DHTKD1: variants seen among roughly 807,000 people sequenced by gnomAD.
The protein encoded by DHTKD1 is 2-oxoadipate dehydrogenase complex component E1.
A neutral mutation model predicts 101.8 loss-of-function variants in DHTKD1; 78 were observed. That is an observed-to-expected ratio of 0.77 (90% CI 0.64 to 0.93). DHTKD1 has a LOEUF of 0.93. Ranked by LOEUF, DHTKD1 falls within the 40% of genes least tolerant of loss-of-function variation. The probability of loss-of-function intolerance (pLI) is 0.00; values close to 1 mark genes in which losing one functional copy is unlikely to be tolerated. For missense variants in DHTKD1, 1,223 were observed against 1,161.7 expected (o/e 1.05, Z -0.77); for synonymous variants, 462 against 450.3 (o/e 1.03, Z -0.33).
At chr10:12,091,971 ATTTTT>A (rs754359053) in intron 6 of DHTKD1, among the ~76,000 whole-genome samples, 1 of 134,680 alleles carries the variant, frequency 7.4e-6, no homozygotes. Context: ...TGTCTGGCTA[ATTTTT>A]TTTTTTTTTT....
At position 12,069,039 on chromosome 10, in the gene DHTKD1, C is replaced by G. The variant is rs776933405; in HGVS notation, c.6C>G (p.Ala2=). 6 of 1,613,334 alleles carry G rather than the reference C, an allele frequency of 3.7e-6. No individual in the cohort carries two copies. In the East Asian group the frequency reaches 1.1e-4, roughly 30 times the overall value. ...GGCCGGGACATCTGGTGAACATGGC[C>G]TCTGCTACTGCGGCAGCAGCACGAC... M[A]SATAAAARRG... Residue 2 remains alanine, a synonymous_variant, in exon 1 of 17, where the codon GCC becomes GCG. Coordinates refer to ENST00000263035, the MANE Select transcript of DHTKD1 (RefSeq NM_018706.7).
chr10:12,119,741 G>A (rs1329638294), intron 15 of DHTKD1, among the ~76,000 whole-genome samples: 1 of 152,036 alleles, frequency 6.6e-6, no homozygotes, highest in Non-Finnish European at 1.5e-5. Flanking sequence ...CCTAGGTGAT[G>A]GATGATCTGA....
At chr10:12,074,594 A>C (rs1832698591) in intron 1 of DHTKD1, among the ~76,000 whole-genome samples, 1 of 150,680 alleles carries the variant, frequency 6.6e-6, no homozygotes, top group Non-Finnish European at 1.5e-5. Flanking sequence ...TCTTGACCTC[A>C]TGATCCACCC....
intron 12 of DHTKD1, 74 bp from the exon 13 acceptor site, chr10:12,112,826 G>T: frequency 7.0e-7 from 1 of 1,424,428 alleles, no homozygotes; most frequent in South Asian, 1.4e-5. Flanking sequence ...GTTTCCCTTT[G>T]GCCAGCCCAT....
At chr10:12,100,289 T>TTTTTTTTTTTTG (rs772926167) in intron 9 of DHTKD1, 27 bp downstream of exon 9, 9 of 819,356 alleles carry the variant, frequency 1.1e-5, no homozygotes, top group East Asian at 2.9e-5. Context: ...TTTTTTCTGT[T>TTTTTTTTTTTTG]TTTTTTTTTT....
chr10:12,107,852 C>A lies in DHTKD1; in HGVS notation c.2048-57C>A. 8.3e-7 allele frequency: 1 copy of A among 1,205,770 alleles called. No homozygotes were observed. The highest frequency in any genetic ancestry group is 1.2e-6 in the Non-Finnish European group (1 of 819,228). The allele number at this position is 1,205,770 out of a possible 1,614,324, so 74.7% of individuals were successfully genotyped here. A position where few individuals can be genotyped will look rare whatever the true frequency, so the allele number is the denominator to read the frequency against. On this transcript the variant is annotated intron_variant, in intron 11 of 16. Transcript: ENST00000263035. This position sits in a 1 kb window ranked among gnomAD's most constrained non-coding sequence, Gnocchi z 4.1. ...ATTGATTTCCCCAGCTGAGTCGTGTCAGGCCACTTTGTCCCCGCTTCGTAG... is the reference window on the plus strand; with the variant it reads ...ATTGATTTCCCCAGCTGAGTCGTGTAAGGCCACTTTGTCCCCGCTTCGTAG...
In DHTKD1 at chr10:12,091,551, TC is replaced by T; in HGVS notation, c.1028del (p.Pro343LeufsTer20). The T allele has an allele frequency of 2.5e-6, 4 of 1,612,416 alleles. No homozygotes were observed. The highest frequency in any genetic ancestry group is 3.4e-6 in the Non-Finnish European group (4 of 1,179,790). On this transcript the variant is annotated frameshift_variant, in exon 6 of 17. Transcript: ENST00000263035. LOFTEE classifies it high-confidence loss of function. ...DASFCGQGIV[P>X]ETFTLSNLPH... Reference sequence around the variant, plus strand: ...CTTCTTTCTGTGGTCAAGGGATTGTTCCTGAAACATTCACGCTGTCCAATCT... The same window carrying T: ...CTTCTTTCTGTGGTCAAGGGATTGTTCTGAAACATTCACGCTGTCCAATCT...
rs2131355075 is a variant in DHTKD1, at chr10:12,084,752, G to C, written c.522+1G>C. ...GTCGAAACTAATGCTGGAATCTCAG[G>C]TAAAAAGGAGCATCTAGGCCGGGCA... On this transcript the variant is annotated splice_donor_variant, in intron 3 of 16. Coordinates refer to ENST00000263035, the MANE Select transcript of DHTKD1 (RefSeq NM_018706.7). LOFTEE classifies it high-confidence loss of function. 3.1e-6 allele frequency: 5 copies of C among 1,613,672 alleles called. No individual in the cohort carries two copies. The highest frequency in any genetic ancestry group is 4.2e-6 in the Non-Finnish European group (5 of 1,179,780).
At chr10:12,115,155 C>T (rs565330202) in intron 13 of DHTKD1, among the ~76,000 whole-genome samples, 6 of 151,380 alleles carry the variant, frequency 4.0e-5, no homozygotes, top group South Asian at 2.1e-4. Context: ...GTGGAGAGCG[C>T]GATCTTGGCT....
At chr10:12,088,943 G>A in intron 4 of DHTKD1, 43 bp from the exon 5 acceptor site, 1 of 1,569,092 alleles carries the variant, frequency 6.4e-7, no homozygotes, top group South Asian at 1.2e-5. Flanking sequence ...AGACTCCATT[G>A]TGATGAATGC....
At chr10:12,072,934 C>G (rs1832672832) in intron 1 of DHTKD1, among the ~76,000 whole-genome samples, 1 of 151,958 alleles carries the variant, frequency 6.6e-6, no homozygotes, top group African/African-American at 2.4e-5. Flanking sequence ...CAGGGTTTCT[C>G]TGTGTTGGTC....
rs568807614 is a variant in DHTKD1 at position 12,103,987 on chromosome 10, G to C, written c.1897-2259G>C. Among the ~76,000 whole-genome samples, 2 of 152,086 alleles carry C rather than the reference G, an allele frequency of 1.3e-5. No individual in the cohort carries two copies. The highest frequency in any genetic ancestry group is 2.9e-5 in the Non-Finnish European group (2 of 68,028). ...TACCCTAGAAAGCAAGCCCATGCCC[G>C]TTAGCAGTCACTGCCCATTCCTTCC... On this transcript the variant is annotated intron_variant, in intron 10 of 16. Transcript: ENST00000263035. The surrounding 1 kb of genome is among the most constrained non-coding windows in gnomAD (Gnocchi z 4.8).
At chr10:12,118,691 G>C in intron 14 of DHTKD1, 58 bp from the exon 15 acceptor site, 2 of 1,406,382 alleles carry the variant, frequency 1.4e-6, no homozygotes, top group Admixed American at 2.6e-5. Flanking sequence ...CTCTTCTGAC[G>C]TAATTCTTAC....
In DHTKD1 at chr10:12,106,476, G is replaced by T. The variant is rs3740019; in HGVS notation, c.2047+80G>T. ...CTCGTGGGGACAAATGAATGAAAAGGGGCCACTGCTGCCTTGAGACTCCCG... is the reference window on the plus strand; with the variant it reads ...CTCGTGGGGACAAATGAATGAAAAGTGGCCACTGCTGCCTTGAGACTCCCG... On this transcript the variant is annotated intron_variant, in intron 11 of 16. Transcript: ENST00000263035. 17 of 1,563,166 alleles carry T rather than the reference G, an allele frequency of 1.1e-5. No homozygotes were observed. The East Asian group carries it at 3.8e-4, about 35-fold the overall frequency.
At chr10:12,089,311 T>C in intron 5 of DHTKD1, 56 bp downstream of exon 5, 2 of 1,555,404 alleles carry the variant, frequency 1.3e-6, no homozygotes, top group Non-Finnish European at 1.8e-6. Flanking sequence ...GAAGAATGTG[T>C]GGGTTGGGAG....
At position 12,090,377 on chromosome 10, in the gene DHTKD1, CTTCCTTCCTTTT is replaced by C. The variant is rs919436297; in HGVS notation, c.988-1125_988-1114del. Among the ~76,000 whole-genome samples the C allele has an allele frequency of 5.6e-4, 66 of 118,718 alleles. 1 individual carries two copies. The East Asian group carries it at 6.9e-3, about 12-fold the overall frequency. 77.9% of individuals were successfully genotyped at this position (118,718 alleles called of 152,430 possible). ...TGGCCGGCCCTCCCTCCCTTCCTTCCTTCCTTCCTTTTTTCCTTCCTTCCTTCCTTTTTTCCT... is the reference window on the plus strand; with the variant it reads ...TGGCCGGCCCTCCCTCCCTTCCTTCCTTCCTTCCTTCCTTCCTTTTTTCCT... On this transcript the variant is annotated intron_variant, in intron 5 of 16. Transcript: ENST00000263035.
Position 12,108,035 on chromosome 10 carries a change from G to A in DHTKD1, c.2154+20G>A, listed in dbSNP as rs889136078. On this transcript the variant is annotated intron_variant, in intron 12 of 16. Transcript: ENST00000263035. Reference sequence around the variant, plus strand: ...CTGCAGGTAAGGGTAACGTCTTCCGGAGTCAATGAATCATTTTCCTGCTTC... The same window carrying A: ...CTGCAGGTAAGGGTAACGTCTTCCGAAGTCAATGAATCATTTTCCTGCTTC... 1 of 1,574,946 alleles carries A rather than the reference G, an allele frequency of 6.3e-7. No homozygotes were observed. The highest frequency in any genetic ancestry group is 8.7e-7 in the Non-Finnish European group (1 of 1,145,074).
intron 3 of DHTKD1, among the ~76,000 whole-genome samples, chr10:12,086,057 A>G (rs1217526261): frequency 6.6e-6 from 1 of 151,534 alleles, no homozygotes. Flanking sequence ...TTTAGTAGAG[A>G]CGGGGTTTCA....
chr10:12,107,965 G>T lies in DHTKD1; in HGVS notation c.2104G>T (p.Asp702Tyr), dbSNP rs151226045. The change falls in exon 12 of 17, where the codon GAT becomes TAT. Residue 702 changes from aspartate (D) to tyrosine (Y), a missense_variant. By Grantham distance (160) the Asp-to-Tyr change is radical. Transcript: ENST00000263035. The surrounding 1 kb of genome is among the most constrained non-coding windows in gnomAD (Gnocchi z 4.1). ...GIVILLPHGY[D>Y]GAGPDHSSCR... ...CGTCATCCTCCTTCCACATGGCTAC[G>T]ATGGGGCTGGGCCAGACCACTCATC... 1 of 1,613,952 alleles carries T rather than the reference G, an allele frequency of 6.2e-7. No homozygotes were observed. The highest frequency in any genetic ancestry group is 1.7e-5 in the Admixed American group (1 of 59,974).
Sources: gnomAD v4.1 joint callset for allele counts (sites outside exome capture counted in the v4.1 genomes callset) on GRCh38, gnomAD v4.1.1 for gene constraint, Gnocchi (gnomAD v3.1) non-coding constraint, MANE v1.5 for transcripts, NCBI Gene and HGNC (gene_info 2026-07-23, HGNC 2026-07-21) for gene names.